Variants in DLGAP2 observed in about 807,000 individuals in gnomAD.
DLGAP2 encodes the protein DLG associated protein 2.
A neutral mutation model predicts 100.3 loss-of-function variants in DLGAP2; 26 were observed. The ratio of observed to expected loss-of-function variants is 0.26; its 90% CI spans 0.19 to 0.36. The LOEUF is 0.36. Ranked by LOEUF, DLGAP2 falls within the 10% of genes least tolerant of loss-of-function variation. The pLI is 1.00. For synonymous variants in DLGAP2, 886 were observed against 630.1 expected (o/e 1.41, Z -6.08); for missense variants, 1,858 against 1,453.2 (o/e 1.28, Z -4.53).
Position 1,462,299 on chromosome 8 carries a change from T to G in DLGAP2, c.107-39067T>G, listed in dbSNP as rs370631418. On this transcript the variant is annotated intron_variant, in intron 3 of 14. Coordinates refer to ENST00000637795, the MANE Select transcript of DLGAP2 (RefSeq NM_001346810.2). Reference sequence around the variant, plus strand: ...CGCTGATTCAGTGACCAGGAGGAGGTAGAAGGGTGGCATTTGGGTTGGGAG... The same window carrying G: ...CGCTGATTCAGTGACCAGGAGGAGGGAGAAGGGTGGCATTTGGGTTGGGAG... 4.1e-3 allele frequency among the ~76,000 whole-genome samples: 147 copies of G among 36,174 alleles called. 1 individual carries two copies. Among genetic ancestry groups the G allele is most frequent in the East Asian group, 8.2e-3 (3 of 364 alleles). The allele number at this position is 36,174 out of a possible 152,430, so 23.7% of individuals were successfully genotyped here. A position where few individuals can be genotyped will look rare whatever the true frequency, so the allele number is the denominator to read the frequency against.
At chr8:1,079,376 G>A (rs1177193134) in intron 2 of DLGAP2, among the ~76,000 whole-genome samples, 1 of 152,118 alleles carries the variant, frequency 6.6e-6, no homozygotes, top group African/African-American at 2.4e-5. Flanking sequence ...GAGTGTGTGT[G>A]CTGTTTTAAA....
At chr8:833,302 T>G (rs1224019378) in intron 1 of DLGAP2, among the ~76,000 whole-genome samples, 1 of 152,184 alleles carries the variant, frequency 6.6e-6, no homozygotes, top group African/African-American at 2.4e-5. Flanking sequence ...ACCACACACT[T>G]CTTGGCTTAA....
chr8:945,826 C>T (rs1012192626), intron 2 of DLGAP2, among the ~76,000 whole-genome samples: 1 of 151,876 alleles, frequency 6.6e-6, no homozygotes, highest in Non-Finnish European at 1.5e-5. Context: ...CTGTCCATTT[C>T]CCCCTCTCTC....
At chr8:1,408,049 C>G (rs942014631) in intron 3 of DLGAP2, among the ~76,000 whole-genome samples, 1 of 152,214 alleles carries the variant, frequency 6.6e-6, no homozygotes, top group African/African-American at 2.4e-5. Flanking sequence ...CCAAAAATGC[C>G]TCCAGATAGT....
At chr8:1,138,609 G>C (rs1320154864) in intron 2 of DLGAP2, among the ~76,000 whole-genome samples, 2 of 152,248 alleles carry the variant, frequency 1.3e-5, no homozygotes, top group Non-Finnish European at 2.9e-5. Context: ...AAAGTGCCGA[G>C]TGACATTCCC....
At chr8:1,297,421 C>T (rs1054828119) in intron 3 of DLGAP2, among the ~76,000 whole-genome samples, 7 of 151,572 alleles carry the variant, frequency 4.6e-5, no homozygotes, top group Non-Finnish European at 7.4e-5. Context: ...ACGTGGCATG[C>T]GCGAACAGAC....
At chr8:890,591 G>A (rs1000956245) in intron 1 of DLGAP2, among the ~76,000 whole-genome samples, 2 of 151,848 alleles carry the variant, frequency 1.3e-5, no homozygotes, top group South Asian at 4.2e-4. Flanking sequence ...CTGCGGCTGC[G>A]TAATTCCTCC....
chr8:1,599,189 C>G (rs1350987157), intron 6 of DLGAP2, among the ~76,000 whole-genome samples: 2 of 152,142 alleles, frequency 1.3e-5, no homozygotes, highest in East Asian at 1.9e-4. Context: ...GAGTGAGATT[C>G]TTAATCCTGA....
chr8:750,395 G>A (rs903362018), intron 1 of DLGAP2, among the ~76,000 whole-genome samples: 2 of 152,174 alleles, frequency 1.3e-5, no homozygotes, highest in African/African-American at 4.8e-5. Flanking sequence ...AAAACATTTC[G>A]AATCTTTTCT....
At chr8:1,321,352 A>G (rs1205876551) in intron 3 of DLGAP2, among the ~76,000 whole-genome samples, 1 of 146,620 alleles carries the variant, frequency 6.8e-6, no homozygotes. Flanking sequence ...GCATGTGCTT[A>G]TGCATCCGTA....
chr8:1,160,581 G>C (rs955075816), intron 2 of DLGAP2, among the ~76,000 whole-genome samples: 1 of 152,156 alleles, frequency 6.6e-6, no homozygotes, highest in Non-Finnish European at 1.5e-5. Flanking sequence ...TGCCAGTTTG[G>C]GGAGTAGCAA....
At chr8:963,983 C>A (rs931390102) in intron 2 of DLGAP2, among the ~76,000 whole-genome samples, 1 of 152,078 alleles carries the variant, frequency 6.6e-6, no homozygotes, top group Admixed American at 6.5e-5. Context: ...TCAACTTAGT[C>A]GACCCAAATG....
rs182767008 is a variant in DLGAP2 at position 1,521,261 on chromosome 8, T to A, written c.172+19830T>A. Among the ~76,000 whole-genome samples the A allele has an allele frequency of 4.6e-3, 389 of 84,998 alleles. 62 individuals are homozygous for A. Among genetic ancestry groups the A allele is most frequent in the African/African-American group, 0.014 (356 of 24,892 alleles). 55.8% of individuals were successfully genotyped at this position (84,998 alleles called of 152,430 possible). On this transcript the variant is annotated intron_variant, in intron 4 of 14. Transcript: ENST00000637795. ...TTTGCACACTTGTTTTAATTTGGAA[T>A]ACTTGGGGGCAGGTGATATGGGGCA...
At chr8:1,424,855 G>C (rs552280459) in intron 3 of DLGAP2, among the ~76,000 whole-genome samples, 3 of 152,342 alleles carry the variant, frequency 2.0e-5, no homozygotes, top group Admixed American at 6.5e-5. Flanking sequence ...AGGTCAGAGG[G>C]AGGCTGCCAG....
chr8:1,640,700 T>C (rs754770897), intron 8 of DLGAP2, among the ~76,000 whole-genome samples: 1 of 152,184 alleles, frequency 6.6e-6, no homozygotes, highest in African/African-American at 2.4e-5. Flanking sequence ...GAGACCCCAT[T>C]ACGGGCCTGA....
chr8:789,922 C>T (rs66507963), intron 1 of DLGAP2, among the ~76,000 whole-genome samples: 22,959 of 152,214 alleles, frequency 0.15, 2,346 homozygotes, highest in East Asian at 0.54. Flanking sequence ...AGCTGCACCC[C>T]TGACCCACTG....
chr8:1,072,776 G>T (rs568955051), intron 2 of DLGAP2, among the ~76,000 whole-genome samples: 1 of 152,328 alleles, frequency 6.6e-6, no homozygotes, highest in South Asian at 2.1e-4. Context: ...GACACTTTCT[G>T]TTTAGCCAGC....
chr8:1,490,959 G>A (rs1799362164), intron 3 of DLGAP2, among the ~76,000 whole-genome samples: 1 of 149,232 alleles, frequency 6.7e-6, no homozygotes. Flanking sequence ...CACCAACATG[G>A]CACATGTATA....
At chr8:1,159,753 A>C (rs983376988) in intron 2 of DLGAP2, among the ~76,000 whole-genome samples, 15 of 152,354 alleles carry the variant, frequency 9.8e-5, no homozygotes, top group African/African-American at 3.4e-4. Context: ...TCAGTCATAC[A>C]TTGAAAAATA....
Sources: allele counts gnomAD v4.1 joint callset (sites outside exome capture counted in the v4.1 genomes callset), GRCh38; gene constraint gnomAD v4.1.1; transcripts MANE v1.5; gene names NCBI Gene and HGNC (gene_info 2026-07-23, HGNC 2026-07-21).